PHACTR2: variants seen among roughly 807,000 people sequenced by gnomAD.
PHACTR2 encodes chromosome 6 open reading frame 56.
A neutral mutation model predicts 76.0 loss-of-function variants in PHACTR2; 30 were observed. That is an observed-to-expected ratio of 0.39 (90% CI 0.30 to 0.54). PHACTR2 has a LOEUF of 0.54. Among genes scored for constraint, PHACTR2 ranks in the 20% least tolerant of loss-of-function variants. PHACTR2 has a pLI of 0.61. For synonymous variants in PHACTR2, 292 were observed against 292.5 expected (o/e 1.00, Z 0.02); for missense variants, 696 against 781.1 (o/e 0.89, Z 1.30).
chr6:143,798,054 T>G (rs1319494868), intron 11 of PHACTR2, among the ~76,000 whole-genome samples: 1 of 152,258 alleles, frequency 6.6e-6, no homozygotes, highest in East Asian at 1.9e-4. Flanking sequence ...TCCATTTGTT[T>G]CTGTCCTCTC....
At chr6:143,615,099 CAT>C (rs1262099043) in intron 1 of PHACTR2, among the ~76,000 whole-genome samples, 5 of 152,156 alleles carry the variant, frequency 3.3e-5, no homozygotes, top group Admixed American at 6.5e-5. Flanking sequence ...GTATTTTACA[CAT>C]GTTACATCAT....
At position 143,710,758 on chromosome 6, in the gene PHACTR2, T is replaced by C. The variant is rs1402026601; in HGVS notation, c.47-1258T>C. Among the ~76,000 whole-genome samples the C allele has an allele frequency of 1.3e-5, 2 of 152,258 alleles. No homozygotes were observed. Among genetic ancestry groups the C allele is most frequent in the African/African-American group, 4.8e-5 (2 of 41,466 alleles). On this transcript the variant is annotated intron_variant, in intron 1 of 12. Transcript: ENST00000440869. This position sits in a 1 kb window ranked among gnomAD's most constrained non-coding sequence, Gnocchi z 4.9. ...GCAGAAGTCCTTGCTCTTCAATTTT[T>C]GTTTTTATTTGTTTTACTATGACCA...
Position 143,811,808 on chromosome 6 carries a change from G to A in PHACTR2, c.1922+4675G>A, listed in dbSNP as rs1482927726. Among the ~76,000 whole-genome samples the A allele has an allele frequency of 3.3e-5, 5 of 151,972 alleles. No homozygotes were observed. Among genetic ancestry groups the A allele is most frequent in the Non-Finnish European group, 7.4e-5 (5 of 68,010 alleles). On this transcript the variant is annotated intron_variant, in intron 12 of 12. Coordinates refer to ENST00000440869, the MANE Select transcript of PHACTR2 (RefSeq NM_001100164.2). This position sits in a 1 kb window ranked among gnomAD's most constrained non-coding sequence, Gnocchi z 4.1. Reference sequence around the variant, plus strand: ...ATTCTTTTAAGGGGAAAAAGTTCTGGTAATCACTACTCTTTCTAATAAAAA... The same window carrying A: ...ATTCTTTTAAGGGGAAAAAGTTCTGATAATCACTACTCTTTCTAATAAAAA...
At chr6:143,545,365 T>C (rs1378609435) in intron 1 of PHACTR2, among the ~76,000 whole-genome samples, 1 of 152,198 alleles carries the variant, frequency 6.6e-6, no homozygotes, top group Non-Finnish European at 1.5e-5. Context: ...TAAGTGTCAG[T>C]TCAGCCTGAG....
In PHACTR2 at chr6:143,652,211, GA is replaced by G. The variant is rs1201311607; in HGVS notation, c.13+43892del. Among the ~76,000 whole-genome samples the G allele has an allele frequency of 2.0e-5, 3 of 152,138 alleles. No homozygotes were observed. Among genetic ancestry groups the G allele is most frequent in the Non-Finnish European group, 4.4e-5 (3 of 68,006 alleles). On this transcript the variant is annotated intron_variant, in intron 1 of 11. Transcript: ENST00000305766. The surrounding 1 kb of genome is among the most constrained non-coding windows in gnomAD (Gnocchi z 4.5). ...AAGCCACTACTTGCTTTCATTTCTT[GA>G]AATACATTTCTTTAAATACATACCA...
chr6:143,744,031 A>G (rs1779000733), intron 2 of PHACTR2, among the ~76,000 whole-genome samples: 1 of 152,236 alleles, frequency 6.6e-6, no homozygotes, highest in Non-Finnish European at 1.5e-5. Flanking sequence ...CCAGAAGGAC[A>G]TCATAAATCA....
At chr6:143,779,365 T>C (rs868445881) in intron 9 of PHACTR2, among the ~76,000 whole-genome samples, 54 of 151,766 alleles carry the variant, frequency 3.6e-4, no homozygotes, top group Middle Eastern at 6.8e-3. Flanking sequence ...TTTTTTTTTT[T>C]CTGAGACGGA....
Position 143,679,779 on chromosome 6 carries a change from G to A in PHACTR2, c.46+1570G>A, listed in dbSNP as rs1195008855. 6.6e-6 allele frequency among the ~76,000 whole-genome samples: 1 copy of A among 152,084 alleles called. No homozygotes were observed. The highest frequency in any genetic ancestry group is 1.5e-5 in the Non-Finnish European group (1 of 67,994). ...CGTCTTAGTACAGCAAAAAAACCCG[G>A]ATTGCTATAATTCCAAATAAAATGA... On this transcript the variant is annotated intron_variant, in intron 1 of 12. Transcript: ENST00000440869. The surrounding 1 kb of genome is among the most constrained non-coding windows in gnomAD (Gnocchi z 4.6).
intron 1 of PHACTR2, among the ~76,000 whole-genome samples, chr6:143,635,812 T>C (rs1038838243): frequency 3.3e-5 from 5 of 152,222 alleles, no homozygotes; most frequent in African/African-American, 9.6e-5. Flanking sequence ...GCCTTTTTTA[T>C]TTGTATGTAA....
At chr6:143,799,098 C>A (rs1325214941) in intron 11 of PHACTR2, among the ~76,000 whole-genome samples, 2 of 152,146 alleles carry the variant, frequency 1.3e-5, no homozygotes, top group Admixed American at 6.6e-5. Context: ...TCAACTTCTT[C>A]CTGGTTTAGT....
At position 143,754,689 on chromosome 6, in the gene PHACTR2, A is replaced by G. The variant is rs374337066; in HGVS notation, c.454+777A>G. ...GATACCACTGCTGTGATGCGTAGGA[A>G]CCTCCAAACATGAAATGAAACTTCT... is the stretch of plus-strand genomic sequence containing the variant. On this transcript the variant is annotated intron_variant, in intron 4 of 12. Coordinates refer to ENST00000440869, the MANE Select transcript of PHACTR2 (RefSeq NM_001100164.2). This position sits in a 1 kb window ranked among gnomAD's most constrained non-coding sequence, Gnocchi z 6.2. Among the ~76,000 whole-genome samples the G allele has an allele frequency of 2.0e-5, 3 of 152,198 alleles. No homozygotes were observed. Among genetic ancestry groups the G allele is most frequent in the Admixed American group, 6.5e-5 (1 of 15,290 alleles).
At chr6:143,637,683 T>C (rs1244808381) in intron 1 of PHACTR2, among the ~76,000 whole-genome samples, 1 of 152,228 alleles carries the variant, frequency 6.6e-6, no homozygotes, top group Non-Finnish European at 1.5e-5. Context: ...ACTGGTCCCA[T>C]GTTAGCAGAG....
rs1221315543 is a variant in PHACTR2, at chr6:143,827,159, T to TATATAC, written c.*3475_*3476insCATATA. ...TGCGTTGGCATTAAAAAAGAAAATA[T>TATATAC]ATATATATATATATATATATATATA... On this transcript the variant is annotated 3_prime_UTR_variant, in exon 13 of 13. Transcript: ENST00000440869. 0.039 allele frequency: 986 copies of TATATAC among 25,564 alleles called. 23 individuals carry two copies. The highest frequency in any genetic ancestry group is 0.061 in the Non-Finnish European group (771 of 12,718). The allele number at this position is 25,564 out of a possible 1,614,324, so 1.6% of individuals were successfully genotyped here.
chr6:143,602,935 A>T lies in PHACTR2; in HGVS notation c.217+65728A>T, dbSNP rs1775827826. Among the ~76,000 whole-genome samples, 1 of 152,134 alleles carries T rather than the reference A, an allele frequency of 6.6e-6. No individual in the cohort carries two copies. Among genetic ancestry groups the T allele is most frequent in the Non-Finnish European group, 1.5e-5 (1 of 68,022 alleles). ...CGAGGTGGGCAGATCACCCGTGGTC[A>T]GGAGTTTGAGACCAGCCTGGCCAAC... On this transcript the variant is annotated intron_variant, in intron 1 of 11. Coordinates refer to the PHACTR2 transcript ENST00000367584. The surrounding 1 kb of genome is among the most constrained non-coding windows in gnomAD (Gnocchi z 6.1).
intron 1 of PHACTR2, among the ~76,000 whole-genome samples, chr6:143,665,058 CA>C (rs542613121): frequency 2.0e-5 from 3 of 152,116 alleles, no homozygotes; most frequent in South Asian, 4.1e-4. Context: ...CTCGGCCTCC[CA>C]AAGTGCTGGG....
rs1178666310 is a variant in PHACTR2 at position 143,738,549 on chromosome 6, C to T, written c.215-10436C>T. 2.6e-5 allele frequency among the ~76,000 whole-genome samples: 4 copies of T among 151,244 alleles called. No homozygotes were observed. Among genetic ancestry groups the T allele is most frequent in the African/African-American group, 4.9e-5 (2 of 41,134 alleles). ...AAGGTAAATGGATCACTTGAGCTCACGACCAGCCTGGGCAACATGACAAAA... is the reference window on the plus strand; with the variant it reads ...AAGGTAAATGGATCACTTGAGCTCATGACCAGCCTGGGCAACATGACAAAA... On this transcript the variant is annotated intron_variant, in intron 2 of 12. Coordinates refer to ENST00000440869, the MANE Select transcript of PHACTR2 (RefSeq NM_001100164.2). This position sits in a 1 kb window ranked among gnomAD's most constrained non-coding sequence, Gnocchi z 4.0.
rs893490968 is a variant in PHACTR2, at chr6:143,561,080, C to T, written c.217+23873C>T. ...CTGATTAGTCTTAGGACAAGATAGG[C>T]TTCACTGGCTGCCAGCCTGGGCCAG... On this transcript the variant is annotated intron_variant, in intron 1 of 11. Transcript: ENST00000367584. The surrounding 1 kb of genome is among the most constrained non-coding windows in gnomAD (Gnocchi z 4.1). 2.0e-5 allele frequency: 3 copies of T among 153,020 alleles called. No individual in the cohort carries two copies. The highest frequency in any genetic ancestry group is 7.2e-5 in the African/African-American group (3 of 41,450). The allele number at this position is 153,020 out of a possible 1,614,324, so 9.5% of individuals were successfully genotyped here. A position where few individuals can be genotyped will look rare whatever the true frequency, so the allele number is the denominator to read the frequency against.
chr6:143,812,076 G>T (rs75901750), intron 12 of PHACTR2, among the ~76,000 whole-genome samples: 16,063 of 152,080 alleles, frequency 0.11, 1,216 homozygotes, highest in East Asian at 0.3. Flanking sequence ...CAGATTTGGG[G>T]TGGTTAATAA....
rs559609759 is a variant in PHACTR2, at chr6:143,571,407, C to A, written c.217+34200C>A. ...CCTTTATCCTATAATCCATTACTAT[C>A]TACTTTATTTCTTTTTTTAGAGACC... On this transcript the variant is annotated intron_variant, in intron 1 of 11. Transcript: ENST00000367584. This position sits in a 1 kb window ranked among gnomAD's most constrained non-coding sequence, Gnocchi z 4.6. Among the ~76,000 whole-genome samples the A allele has an allele frequency of 6.6e-6, 1 of 152,126 alleles. No individual in the cohort carries two copies. The highest frequency in any genetic ancestry group is 1.5e-5 in the Non-Finnish European group (1 of 67,992).
Sources: allele counts gnomAD v4.1 joint callset (sites outside exome capture counted in the v4.1 genomes callset), GRCh38; gene constraint gnomAD v4.1.1; non-coding constraint Gnocchi (gnomAD v3.1); transcripts MANE v1.5; gene names NCBI Gene and HGNC (gene_info 2026-07-23, HGNC 2026-07-21).